Variants in ZNF707 observed in about 807,000 individuals in gnomAD.
ZNF707 encodes the protein zinc finger protein 707.
ZNF707 carries 8 observed loss-of-function variants against 13.3 expected under a neutral mutation model. That is an observed-to-expected ratio of 0.60 (90% CI 0.35 to 1.09). The LOEUF is 1.09. ZNF707 is among the 50% of genes least tolerant of loss of function. The pLI is 0.02. For missense variants in ZNF707, 530 were observed against 512.6 expected, an observed-to-expected ratio of 1.03 and a Z score of -0.33; for synonymous variants, 225 against 205.6, an observed-to-expected ratio of 1.09 and a Z score of -0.81.
intron 1 of ZNF707, chr8:143,688,885 T>A (rs1554612834): frequency 6.6e-6 from 1 of 152,300 alleles, no homozygotes; most frequent in Non-Finnish European, 1.5e-5. Flanking sequence ...CCTAGGGTGT[T>A]AGGATTACAG....
intron 3 of ZNF707, chr8:143,690,450 C>G: frequency 6.4e-6 from 2 of 312,578 alleles, no homozygotes; most frequent in Non-Finnish European, 1.2e-5. Context: ...GTAGGCCCAG[C>G]TACTCGGGAG....
intron 5 of ZNF707, chr8:143,692,047 C>A: frequency 7.2e-7 from 1 of 1,391,160 alleles, no homozygotes; most frequent in South Asian, 1.2e-5. Context: ...GGTGTCTGAC[C>A]TCCCTGTGAT....
chr8:143,694,011 G>A lies in ZNF707; in HGVS notation c.597G>A (p.Thr199=). The change falls in exon 6 of 6, where the codon ACG becomes ACA. Residue 199 remains threonine, a synonymous_variant. Coordinates refer to ENST00000358656, the MANE Select transcript of ZNF707 (RefSeq NM_001100598.2). The surrounding 1 kb of genome is among the most constrained non-coding windows in gnomAD (Gnocchi z 4.4). ...SRLLAHQTVH[T]GTKAFECPEC... Reference sequence around the variant, plus strand: ...TGCTCGCTCACCAGACGGTGCACACGGGAACCAAGGCCTTCGAGTGCCCCG... The same window carrying A: ...TGCTCGCTCACCAGACGGTGCACACAGGAACCAAGGCCTTCGAGTGCCCCG... The A allele has an allele frequency of 6.2e-7, 1 of 1,605,046 alleles. No homozygotes were observed. The highest frequency in any genetic ancestry group is 8.5e-7 in the Non-Finnish European group (1 of 1,177,118).
chr8:143,687,064 T>A (rs2131506967), intron 1 of ZNF707: 1 of 151,002 alleles, frequency 6.6e-6, no homozygotes, highest in African/African-American at 2.4e-5. Flanking sequence ...AGAGATGGGG[T>A]TTCTCCATGT....
At chr8:143,687,750 C>G (rs1554612500) in intron 1 of ZNF707, among the ~76,000 whole-genome samples, 2 of 152,140 alleles carry the variant, frequency 1.3e-5, no homozygotes, top group Admixed American at 6.6e-5. Flanking sequence ...CTGCTTTTTC[C>G]TGGTCTCAGA....
At chr8:143,689,520 T>C (rs970888265) in intron 2 of ZNF707, among the ~76,000 whole-genome samples, 8 of 152,088 alleles carry the variant, frequency 5.3e-5, no homozygotes, top group African/African-American at 1.7e-4. Context: ...TTAGGGGATC[T>C]TGTGGCTTGA....
chr8:143,695,095 G>C lies in ZNF707; in HGVS notation c.*565G>C, dbSNP rs1817220992. ...ACTGAACCTCATTCAAGGATTAGGA[G>C]TGGTGGTTAGGTCAGGGCCACCCCC... On this transcript the variant is annotated 3_prime_UTR_variant, in exon 6 of 6. Coordinates refer to ENST00000358656, the MANE Select transcript of ZNF707 (RefSeq NM_001100598.2). 1 of 153,026 alleles carries C rather than the reference G, an allele frequency of 6.5e-6. No homozygotes were observed. The highest frequency in any genetic ancestry group is 6.5e-5 in the Admixed American group (1 of 15,318). The allele number at this position is 153,026 out of a possible 1,614,324, so 9.5% of individuals were successfully genotyped here. A position where few individuals can be genotyped will look rare whatever the true frequency, so the allele number is the denominator to read the frequency against.
chr8:143,689,319 A>G lies in ZNF707; in HGVS notation c.-53+18A>G, dbSNP rs1355724451. The G allele has an allele frequency of 1.3e-5, 2 of 152,322 alleles. No individual in the cohort carries two copies. The highest frequency in any genetic ancestry group is 1.3e-4 in the Admixed American group (2 of 15,250). The allele number at this position is 152,322 out of a possible 1,614,324, so 9.4% of individuals were successfully genotyped here. ...CTGACGAGGTAACCAGGCATGGGCT[A>G]TCTTCCTCCAGCTGGTTCTGTCTCT... On this transcript the variant is annotated intron_variant, in intron 2 of 5. Coordinates refer to ENST00000358656, the MANE Select transcript of ZNF707 (RefSeq NM_001100598.2).
At position 143,693,962 on chromosome 8, in the gene ZNF707, A is replaced by G; in HGVS notation, c.548A>G (p.Lys183Arg). The G allele has an allele frequency of 6.2e-7, 1 of 1,600,510 alleles. No homozygotes were observed. Residue 183 changes from lysine to arginine, a missense_variant, in exon 6 of 6, where the codon AAG becomes AGG. Physicochemically the swap from Lys to Arg is conservative, Grantham distance 26 (BLOSUM62 2). Transcript: ENST00000358656. The surrounding 1 kb of genome is among the most constrained non-coding windows in gnomAD (Gnocchi z 4.1). ...ELSFICGTCGKALSCHSRLLA... is the reference protein window; with the variant it reads ...ELSFICGTCGRALSCHSRLLA... ...TCATTCATCTGCGGCACGTGCGGGAAGGCGCTCAGCTGCCACAGCCGGCTG... is the reference window on the plus strand; with the variant it reads ...TCATTCATCTGCGGCACGTGCGGGAGGGCGCTCAGCTGCCACAGCCGGCTG...
intron 2 of ZNF707, 48 bp from the exon 3 acceptor site, chr8:143,690,009 G>C: frequency 3.3e-6 from 5 of 1,513,598 alleles, no homozygotes; most frequent in Middle Eastern, 1.7e-4. Flanking sequence ...CAGGTGCGGG[G>C]GGCATTCCCA....
chr8:143,690,700 A>G (rs1475989871), intron 3 of ZNF707, among the ~76,000 whole-genome samples: 2 of 152,376 alleles, frequency 1.3e-5, no homozygotes, highest in Non-Finnish European at 1.5e-5. Context: ...GTTTACACAC[A>G]TGCACTTCCT....
intron 4 of ZNF707, 54 bp from the exon 5 acceptor site, chr8:143,691,546 C>A: frequency 6.6e-7 from 1 of 1,525,130 alleles, no homozygotes; most frequent in Non-Finnish European, 8.9e-7. Context: ...GAGCCTCGAC[C>A]CTCACTTTGT....
In ZNF707 at chr8:143,693,769, A is replaced by C. The variant is rs1554614311; in HGVS notation, c.355A>C (p.Ser119Arg). The C allele has an allele frequency of 6.2e-7, 1 of 1,613,026 alleles. No homozygotes were observed. The highest frequency in any genetic ancestry group is 1.1e-5 in the South Asian group (1 of 91,090). Residue 119 changes from serine to arginine, a missense_variant, in exon 6 of 6, where the codon AGC (serine) becomes CGC (arginine). Coordinates refer to ENST00000358656, the MANE Select transcript of ZNF707 (RefSeq NM_001100598.2). The surrounding 1 kb of genome is among the most constrained non-coding windows in gnomAD (Gnocchi z 4.1). ...GCGAGAAAGAGCCAGGGAAGGAAGC[A>C]GCTTTAGGAAGGGCTTCAGGCTGGA... ...VRRERAREGS[S>R]FRKGFRLDTD...
intron 1 of ZNF707, 84 bp from the exon 2 acceptor site, chr8:143,689,120 T>G (rs1434167930): frequency 1.3e-5 from 2 of 152,248 alleles, no homozygotes; most frequent in Non-Finnish European, 2.9e-5. Context: ...CATTTTCAAT[T>G]GCCTTATCAG....
intron 5 of ZNF707, chr8:143,692,047 C>T (rs1202111580): frequency 8.6e-6 from 12 of 1,391,042 alleles, no homozygotes; most frequent in Non-Finnish European, 1.1e-5. Context: ...GGTGTCTGAC[C>T]TCCCTGTGAT....
chr8:143,685,733 C>T (rs1445920078), intron 1 of ZNF707, among the ~76,000 whole-genome samples: 1 of 151,982 alleles, frequency 6.6e-6, no homozygotes, highest in Non-Finnish European at 1.5e-5. Flanking sequence ...GTCCCAGCTA[C>T]TGGGGAGACT....
chr8:143,684,745 T>TA (rs2131494880), intron 1 of ZNF707: 1 of 152,454 alleles, frequency 6.6e-6, no homozygotes, highest in East Asian at 1.9e-4. Flanking sequence ...CCTCGCTCCT[T>TA]ACACTTGCAG....
chr8:143,691,634 C>G lies in ZNF707; in HGVS notation c.177C>G (p.Arg59=). 2.0e-5 allele frequency: 32 copies of G among 1,609,860 alleles called. No homozygotes were observed. The highest frequency in any genetic ancestry group is 2.7e-5 in the Non-Finnish European group (32 of 1,178,432). Residue 59 remains arginine, a synonymous_variant, in exon 5 of 6, where the codon CGC becomes CGG. Transcript: ENST00000358656. ...GCCCCAGACCAGACCTCGTCTCTCGCCTGGAACAGTGGGAGGAGCCGTGGG... is the reference window on the plus strand; with the variant it reads ...GCCCCAGACCAGACCTCGTCTCTCGGCTGGAACAGTGGGAGGAGCCGTGGG... ...FCSPRPDLVS[R]LEQWEEPWVE... is the part of the protein sequence containing the mutation.
chr8:143,694,005 G>A lies in ZNF707; in HGVS notation c.591G>A (p.Val197=), dbSNP rs782386432. 2 of 1,604,792 alleles carry A rather than the reference G, an allele frequency of 1.2e-6. No homozygotes were observed. Among genetic ancestry groups the A allele is most frequent in the South Asian group, 2.2e-5 (2 of 90,160 alleles). The part of the protein sequence containing the change: ...CHSRLLAHQT[V]HTGTKAFECP... Reference sequence around the variant, plus strand: ...GCCGGCTGCTCGCTCACCAGACGGTGCACACGGGAACCAAGGCCTTCGAGT... The same window carrying A: ...GCCGGCTGCTCGCTCACCAGACGGTACACACGGGAACCAAGGCCTTCGAGT... The change falls in exon 6 of 6, where the codon GTG becomes GTA. Residue 197 remains valine, a synonymous_variant. Coordinates refer to ENST00000358656, the MANE Select transcript of ZNF707 (RefSeq NM_001100598.2). The surrounding 1 kb of genome is among the most constrained non-coding windows in gnomAD (Gnocchi z 4.4).
Sources: allele counts gnomAD v4.1 joint callset (sites outside exome capture counted in the v4.1 genomes callset), GRCh38; gene constraint gnomAD v4.1.1; non-coding constraint Gnocchi (gnomAD v3.1); transcripts MANE v1.5; gene names NCBI Gene and HGNC (gene_info 2026-07-23, HGNC 2026-07-21).